The following ST7L variants were observed in gnomAD, a reference collection of about 807,000 sequenced individuals.
The protein encoded by ST7L is suppressor of tumorigenicity 7 protein-like.
ST7L carries 57 observed loss-of-function variants against 72.5 expected under a neutral mutation model. The observed-to-expected ratio is 0.79, with a 90% confidence interval of 0.64 to 0.98. ST7L has a LOEUF of 0.98. Ranked by LOEUF, ST7L falls within the 50% of genes least tolerant of loss-of-function variation. The pLI is 0.00. For synonymous variants in ST7L, 221 were observed against 240.9 expected, an observed-to-expected ratio of 0.92 and a Z score of 0.77; for missense variants, 576 against 672.2, an observed-to-expected ratio of 0.86 and a Z score of 1.58.
At chr1:112,520,813 GCTC>G (rs1469747768), downstream of ST7L, 9 of 370,414 alleles carry the variant, frequency 2.4e-5, no homozygotes, top group South Asian at 1.2e-4. Flanking sequence ...CGTAGTTGAG[GCTC>G]CTTTTTTCTT....
chr1:112,619,389 A>AGGGTCACCTTTCACAC, upstream of ST7L: 1 of 557,434 alleles, frequency 1.8e-6, no homozygotes, highest in Non-Finnish European at 3.2e-6. Flanking sequence ...AAACGAAATG[A>AGGGTCACCTTTCACAC]GGGTCACCTT....
chr1:112,561,229 T>A (rs892344780), intron 11 of ST7L, among the ~76,000 whole-genome samples: 3 of 151,252 alleles, frequency 2.0e-5, no homozygotes, highest in African/African-American at 7.3e-5. Flanking sequence ...AATGGAAACA[T>A]AACAGAGCTA....
chr1:112,520,779 A>C, downstream of ST7L: 2 of 499,694 alleles, frequency 4.0e-6, no homozygotes, highest in Non-Finnish European at 7.1e-6. Context: ...GGGTCTTTAG[A>C]GTGAAATGAG....
Position 112,618,890 on chromosome 1 carries a change from G to A in ST7L, c.205+19C>T. ...TCTCCTGGCCCCCCGCCCTGCCCCA[G>A]GAGGTCTGGTCCTCTCACCCGCTGC... On this transcript the variant is annotated intron_variant, in intron 1 of 14. Transcript: ENST00000358039. 3 of 1,550,416 alleles carry A rather than the reference G, an allele frequency of 1.9e-6. No individual in the cohort carries two copies. Among genetic ancestry groups the A allele is most frequent in the Non-Finnish European group, 1.7e-6 (2 of 1,146,888 alleles).
intron 11 of ST7L, among the ~76,000 whole-genome samples, chr1:112,566,131 G>A (rs991876788): frequency 6.6e-6 from 1 of 151,986 alleles, no homozygotes; most frequent in Non-Finnish European, 1.5e-5. Context: ...CAGAAGGCAT[G>A]ATACTTTTAC....
upstream of ST7L, chr1:112,619,363 A>C (rs555303469): frequency 6.9e-6 from 4 of 582,818 alleles, no homozygotes; most frequent in South Asian, 6.5e-5. Context: ...TGTGACCCCG[A>C]AGTGTTACCG....
intron 13 of ST7L, 124 bp from the exon 14 acceptor site, chr1:112,542,214 C>G: frequency 1.0e-6 from 1 of 970,328 alleles, no homozygotes; most frequent in Non-Finnish European, 1.5e-6. Context: ...AGGAAAGTCT[C>G]TGGCTAAGCA....
chr1:112,540,061 T>A (rs1392678879), intron 14 of ST7L: 5 of 985,444 alleles, frequency 5.1e-6, no homozygotes, highest in South Asian at 9.4e-5. Flanking sequence ...TGCTATGTAA[T>A]CGTAAAGATT....
intron 5 of ST7L, among the ~76,000 whole-genome samples, chr1:112,593,901 T>G (rs552762107): frequency 6.6e-6 from 1 of 152,284 alleles, no homozygotes; most frequent in South Asian, 2.1e-4. Context: ...GACCTTTATG[T>G]GAGGGTCTGA....
chr1:112,597,915 C>A (rs1666720976), intron 5 of ST7L, 56 bp downstream of exon 5: 3 of 1,355,804 alleles, frequency 2.2e-6, no homozygotes, highest in East Asian at 2.4e-5. Flanking sequence ...CTCTAAAGAA[C>A]TTTTAAGATG....
chr1:112,562,156 T>C (rs372404270), intron 11 of ST7L, among the ~76,000 whole-genome samples: 11 of 151,856 alleles, frequency 7.2e-5, no homozygotes, highest in South Asian at 4.2e-4. Context: ...TTTGTAGAGA[T>C]AGGGTTTCAC....
chr1:112,526,228 C>G, intron 14 of ST7L, 117 bp from the exon 15 acceptor site: 1 of 1,394,730 alleles, frequency 7.2e-7, no homozygotes, highest in Non-Finnish European at 9.7e-7. Context: ...TGAACCTTAT[C>G]AACCAATGGC....
chr1:112,550,305 A>C (rs1414266706), intron 13 of ST7L, among the ~76,000 whole-genome samples: 1 of 152,142 alleles, frequency 6.6e-6, no homozygotes, highest in Non-Finnish European at 1.5e-5. Flanking sequence ...TTCCTTCCTC[A>C]TTTATTTTCT....
At chr1:112,533,805 G>GC (rs1557941112) in intron 14 of ST7L, among the ~76,000 whole-genome samples, 1 of 151,994 alleles carries the variant, frequency 6.6e-6, no homozygotes, top group African/African-American at 2.4e-5. Context: ...ACAGGGGTGC[G>GC]CCACCATGCC....
chr1:112,566,544 T>A lies in ST7L; in HGVS notation c.1245+10442A>T, dbSNP rs539934973. On this transcript the variant is annotated intron_variant, in intron 11 of 14. Transcript: ENST00000358039. ...GAACTCCTGACCTCGTGATCCGCCC[T>A]CCTCAGCCTCCCAAAGTGTTGGGAT... Among the ~76,000 whole-genome samples the A allele has an allele frequency of 2.0e-5, 3 of 152,068 alleles. No individual in the cohort carries two copies. The South Asian group carries it at 6.2e-4, about 32-fold the overall frequency.
intron 10 of ST7L, 136 bp downstream of exon 10, chr1:112,578,209 C>T: frequency 1.2e-6 from 1 of 844,230 alleles, no homozygotes; most frequent in Non-Finnish European, 1.9e-6. Context: ...AGCAAGAAGC[C>T]TAAAAGCCCA....
intron 11 of ST7L, among the ~76,000 whole-genome samples, chr1:112,570,570 T>TACACACACACACACACACAC (rs1553248207): frequency 7.0e-6 from 1 of 143,372 alleles, no homozygotes; most frequent in African/African-American, 2.6e-5. Flanking sequence ...TATATATATA[T>TACACACACACACACACACAC]ACACACACAC....
intron 11 of ST7L, among the ~76,000 whole-genome samples, chr1:112,568,522 A>G (rs1368779674): frequency 6.6e-6 from 1 of 150,918 alleles, no homozygotes; most frequent in East Asian, 2.0e-4. Context: ...TTTTTAGTAG[A>G]GACGGAGTTT....
chr1:112,562,884 T>C (rs1412068442), intron 11 of ST7L, among the ~76,000 whole-genome samples: 1 of 152,140 alleles, frequency 6.6e-6, no homozygotes, highest in East Asian at 1.9e-4. Context: ...TCTGTTTTAA[T>C]AGTCCACACA....
Sources: allele counts gnomAD v4.1 joint callset (sites outside exome capture counted in the v4.1 genomes callset), GRCh38; gene constraint gnomAD v4.1.1; transcripts MANE v1.5; gene names NCBI Gene and HGNC (gene_info 2026-07-23, HGNC 2026-07-21).